Variants in SLC25A40 observed in about 807,000 individuals in gnomAD.
SLC25A40 encodes solute carrier family 25 member 40.
Under a neutral mutation model 46.5 loss-of-function variants are expected in SLC25A40, and 41 were observed. The observed-to-expected ratio is 0.88, with a 90% CI of 0.69 to 1.14. The LOEUF (loss-of-function observed/expected upper bound fraction) is 1.14. Ranked by LOEUF, SLC25A40 falls within the 50% of genes most tolerant of loss-of-function variation. The probability of loss-of-function intolerance (pLI) is 0.00; values close to 1 mark genes in which losing one functional copy is unlikely to be tolerated. For synonymous variants in SLC25A40, 126 were observed against 127.5 expected, an observed-to-expected ratio of 0.99 and a Z score of 0.08; for missense variants, 386 against 393.6, an observed-to-expected ratio of 0.98 and a Z score of 0.16.
Position 87,854,233 on chromosome 7 carries a change from T to C in SLC25A40, c.235A>G (p.Lys79Glu). 1.2e-6 allele frequency: 2 copies of C among 1,612,898 alleles called. No homozygotes were observed. The highest frequency in any genetic ancestry group is 1.7e-6 in the Non-Finnish European group (2 of 1,179,058). Residue 79 changes from lysine (K) to glutamate (E), a missense_variant, in exon 5 of 12, where the codon AAG becomes GAG. Coordinates refer to ENST00000341119, the MANE Select transcript of SLC25A40 (RefSeq NM_018843.4). ...GTTCCCTGGAAATTTCCTGGCTTCT[T>C]ATACCATAGTTTGTTGCCTCCCTCT... ...CEEGGNKLWY[K>E]KPGNFQGTLD...
At chr7:87,864,421 C>CA (rs1217287383) in intron 1 of SLC25A40, among the ~76,000 whole-genome samples, 8 of 152,100 alleles carry the variant, frequency 5.3e-5, no homozygotes, top group Non-Finnish European at 1.2e-4. Flanking sequence ...GCTGATCTAT[C>CA]AAAAAAACGT....
rs200390835 is a variant in SLC25A40, at chr7:87,836,802, G to A, written c.832C>T (p.Pro278Ser). ...ATAATCCAGGTTGACATATGCAAAG[G>A]CATAGAAACTAAATGTTAAAATAAA... Reference protein sequence around the residue: ...WTYESHKISMPLHMSTWIIMK... With the variant: ...WTYESHKISMSLHMSTWIIMK... Residue 278 changes from proline to serine, a missense_variant, in exon 11 of 12, where the codon CCT (proline) becomes TCT (serine). Coordinates refer to ENST00000341119, the MANE Select transcript of SLC25A40 (RefSeq NM_018843.4). 16 of 1,501,174 alleles carry A rather than the reference G, an allele frequency of 1.1e-5. No homozygotes were observed. Among genetic ancestry groups the A allele is most frequent in the South Asian group, 5.3e-5 (4 of 75,932 alleles). The allele number at this position is 1,501,174 out of a possible 1,614,324, so 93.0% of individuals were successfully genotyped here. A position where few individuals can be genotyped will look rare whatever the true frequency, so the allele number is the denominator to read the frequency against.
chr7:87,840,861 C>A (rs1838321130), intron 10 of SLC25A40, among the ~76,000 whole-genome samples: 1 of 151,674 alleles, frequency 6.6e-6, no homozygotes, highest in Non-Finnish European at 1.5e-5. Flanking sequence ...TAACATTATA[C>A]CTATTTTACT....
At chr7:87,839,323 C>T (rs560930292) in intron 10 of SLC25A40, among the ~76,000 whole-genome samples, 67 of 150,566 alleles carry the variant, frequency 4.4e-4, no homozygotes, top group Admixed American at 3.0e-3. Context: ...TATTGAAATA[C>T]GGAAAAATAT....
intron 10 of SLC25A40, among the ~76,000 whole-genome samples, chr7:87,841,103 G>GA (rs1021394312): frequency 6.0e-5 from 9 of 149,270 alleles, no homozygotes; most frequent in African/African-American, 2.0e-4. Flanking sequence ...ATAATGGGTA[G>GA]AAAAAATTAC....
chr7:87,854,087 A>C (rs761272401), intron 5 of SLC25A40, 117 bp downstream of exon 5: 2 of 700,228 alleles, frequency 2.9e-6, no homozygotes, highest in African/African-American at 1.8e-5. Flanking sequence ...AAAGCAAAGA[A>C]GTAGTTCCCT....
chr7:87,845,835 T>C (rs1307371286), intron 8 of SLC25A40, among the ~76,000 whole-genome samples: 1 of 152,148 alleles, frequency 6.6e-6, no homozygotes, highest in Non-Finnish European at 1.5e-5. Flanking sequence ...TTAAGACCTT[T>C]GACAATAAAA....
At chr7:87,851,226 CATA>C (rs1225828900) in intron 5 of SLC25A40, among the ~76,000 whole-genome samples, 1 of 152,128 alleles carries the variant, frequency 6.6e-6, no homozygotes, top group African/African-American at 2.4e-5. Context: ...AATATATTCA[CATA>C]ATATTACTTG....
At chr7:87,843,699 G>C in intron 9 of SLC25A40, 55 bp downstream of exon 9, 1 of 1,390,448 alleles carries the variant, frequency 7.2e-7, no homozygotes, top group Non-Finnish European at 1.0e-6. Context: ...ATTTTGTTTT[G>C]TTTTAATACA....
At chr7:87,855,631 T>C (rs1431369851) in intron 4 of SLC25A40, among the ~76,000 whole-genome samples, 1 of 152,210 alleles carries the variant, frequency 6.6e-6, no homozygotes, top group Non-Finnish European at 1.5e-5. Flanking sequence ...AGCATCTTCC[T>C]ACAATCAATC....
chr7:87,847,856 T>C lies in SLC25A40; in HGVS notation c.454A>G (p.Arg152Gly), dbSNP rs1205529096. ...CIPIVAGIVARFGAVTVISPL... is the reference protein window; with the variant it reads ...CIPIVAGIVAGFGAVTVISPL... The stretch of plus-strand genomic sequence containing the variant: ...AAAATAAAGATTTATTACTCACATC[T>C]GGCTACAATTCCAGCAACAATTGGT... The change falls in exon 7 of 12, where the codon AGA becomes GGA. Residue 152 changes from arginine to glycine, a missense_variant. Transcript: ENST00000341119. 15 of 1,605,364 alleles carry C rather than the reference T, an allele frequency of 9.3e-6. No individual in the cohort carries two copies. Among genetic ancestry groups the C allele is most frequent in the Non-Finnish European group, 1.3e-5 (15 of 1,177,556 alleles).
chr7:87,852,479 G>C lies in SLC25A40; in HGVS notation c.264+1725C>G, dbSNP rs145180169. ...AGCTATTTGGGAGACGGAGGTGGGA[G>C]AATCTCTTGAGGCGTACAGATTGAG... On this transcript the variant is annotated intron_variant, in intron 5 of 11. Coordinates refer to ENST00000341119, the MANE Select transcript of SLC25A40 (RefSeq NM_018843.4). Among the ~76,000 whole-genome samples, 849 of 152,206 alleles carry C rather than the reference G, an allele frequency of 5.6e-3. 7 individuals are homozygous for C. Among genetic ancestry groups the C allele is most frequent in the Non-Finnish European group, 6.6e-3 (446 of 68,006 alleles).
chr7:87,864,428 AC>A lies in SLC25A40; in HGVS notation c.-93-3789del, dbSNP rs989011455. Among the ~76,000 whole-genome samples, 18 of 152,356 alleles carry A rather than the reference AC, an allele frequency of 1.2e-4. 1 individual carries two copies. The South Asian group carries it at 1.4e-3, about 12-fold the overall frequency. ...TCCACCATGCTGATCTATCAAAAAA[AC>A]GTGGTCTTATTTATTTTACCAAACT... is the stretch of plus-strand genomic sequence containing the variant. On this transcript the variant is annotated intron_variant, in intron 1 of 11. Transcript: ENST00000341119.
chr7:87,834,872 T>C lies in SLC25A40; in HGVS notation c.*1377A>G, dbSNP rs181633748. ...TATGTGGATATGTATGTTGCAAATT[T>C]AAGGTAAATCAACATAGGATAAACA... is the stretch of plus-strand genomic sequence containing the variant. On this transcript the variant is annotated 3_prime_UTR_variant, in exon 12 of 12. Coordinates refer to ENST00000341119, the MANE Select transcript of SLC25A40 (RefSeq NM_018843.4). The C allele has an allele frequency of 6.6e-5, 10 of 151,684 alleles. No homozygotes were observed. In the East Asian group the frequency reaches 1.9e-3, roughly 29 times the overall value. The allele number at this position is 151,684 out of a possible 1,614,324, so 9.4% of individuals were successfully genotyped here. A position where few individuals can be genotyped will look rare whatever the true frequency, so the allele number is the denominator to read the frequency against.
chr7:87,874,343 A>G (rs937058175), intron 1 of SLC25A40, among the ~76,000 whole-genome samples: 9 of 152,168 alleles, frequency 5.9e-5, no homozygotes, highest in Non-Finnish European at 1.2e-4. Context: ...AAGTTCCTCA[A>G]TAGAAGCATG....
At chr7:87,838,542 C>A (rs1002670199) in intron 10 of SLC25A40, among the ~76,000 whole-genome samples, 1 of 151,526 alleles carries the variant, frequency 6.6e-6, no homozygotes, top group African/African-American at 2.4e-5. Context: ...AATAAATGCT[C>A]ATTTACTGAA....
intron 1 of SLC25A40, among the ~76,000 whole-genome samples, chr7:87,867,239 G>A (rs902501160): frequency 2.0e-5 from 3 of 152,148 alleles, no homozygotes; most frequent in Admixed American, 1.3e-4. Flanking sequence ...TAATTCTTAA[G>A]ATTTGGTCTT....
At chr7:87,867,663 C>T (rs533068422) in intron 1 of SLC25A40, among the ~76,000 whole-genome samples, 79 of 152,254 alleles carry the variant, frequency 5.2e-4, no homozygotes, top group African/African-American at 1.9e-3. Flanking sequence ...ATGTCCATAT[C>T]TTTGCAATGA....
At chr7:87,860,996 T>A (rs115663379) in intron 1 of SLC25A40, among the ~76,000 whole-genome samples, 1,605 of 152,298 alleles carry the variant, frequency 0.011, 34 homozygotes, top group African/African-American at 0.036. Context: ...CGGTTGTTTT[T>A]TTTGGGAAGG....
Sources: allele counts gnomAD v4.1 joint callset (sites outside exome capture counted in the v4.1 genomes callset), GRCh38; gene constraint gnomAD v4.1.1; transcripts MANE v1.5; gene names NCBI Gene and HGNC (gene_info 2026-07-23, HGNC 2026-07-21).